PARVB: variants seen among roughly 807,000 people sequenced by gnomAD.
PARVB encodes the protein parvin beta.
In PARVB, 46 loss-of-function variants were observed where a neutral mutation model predicts 47.0. The ratio of observed to expected loss-of-function variants is 0.98; its 90% CI spans 0.77 to 1.25. The LOEUF (loss-of-function observed/expected upper bound fraction) is 1.25. Among genes scored for constraint, PARVB ranks in the 50% most tolerant of loss-of-function variants. PARVB has a pLI of 0.00. For synonymous variants in PARVB, 196 were observed against 196.3 expected (o/e 1.00, Z 0.01); for missense variants, 473 against 471.6 (o/e 1.00, Z -0.03).
intron 2 of PARVB, among the ~76,000 whole-genome samples, chr22:44,007,535 C>T (rs1292784068): frequency 3.3e-5 from 5 of 152,196 alleles, no homozygotes; most frequent in African/African-American, 1.2e-4. Context: ...AAGTCTCCAT[C>T]TCCTTCCTTC....
intron 7 of PARVB, among the ~76,000 whole-genome samples, chr22:44,137,659 A>G (rs990995895): frequency 2.0e-5 from 3 of 152,098 alleles, no homozygotes; most frequent in African/African-American, 7.2e-5. Flanking sequence ...TGAAGGCTGG[A>G]TGGAGGCTGG....
intron 4 of PARVB, among the ~76,000 whole-genome samples, chr22:44,128,880 C>T (rs1207815686): frequency 6.6e-6 from 1 of 152,194 alleles, no homozygotes; most frequent in Non-Finnish European, 1.5e-5. Flanking sequence ...GAATTCGAGA[C>T]CAGCCTGATC....
chr22:44,147,444 A>G, intron 8 of PARVB: 1 of 355,926 alleles, frequency 2.8e-6, no homozygotes, highest in Non-Finnish European at 5.6e-6. Context: ...TGAGCAGGAC[A>G]TGGCCACCGT....
Position 44,148,274 on chromosome 22 carries a change from C to A in PARVB, c.774+352C>A, listed in dbSNP as rs190053569. The A allele has an allele frequency of 1.3e-3, 449 of 358,072 alleles. 3 individuals carry two copies. The highest frequency in any genetic ancestry group is 8.8e-3 in the African/African-American group (414 of 47,290). 22.2% of individuals were successfully genotyped at this position (358,072 alleles called of 1,614,324 possible). On this transcript the variant is annotated intron_variant, in intron 9 of 12. Transcript: ENST00000338758. ...GCCTCATTTACCATCTACAGCCTGC[C>A]CAGTAAACACGCAGGCCTGTGCGGC... is the stretch of plus-strand genomic sequence containing the variant.
chr22:44,098,618 G>A (rs983693755), intron 2 of PARVB, among the ~76,000 whole-genome samples: 7 of 152,106 alleles, frequency 4.6e-5, no homozygotes, highest in Non-Finnish European at 7.4e-5. Context: ...AGGCTGCGGA[G>A]GCCTTTGCAG....
chr22:44,059,073 T>C (rs1041237435), intron 1 of PARVB, among the ~76,000 whole-genome samples: 13 of 137,476 alleles, frequency 9.5e-5, no homozygotes, highest in Non-Finnish European at 1.7e-4. Context: ...TGAGAGGGAG[T>C]CTTGCTGTGT....
intron 1 of PARVB, among the ~76,000 whole-genome samples, chr22:44,069,720 G>A (rs1015884705): frequency 6.6e-6 from 1 of 151,632 alleles, no homozygotes; most frequent in Non-Finnish European, 1.5e-5. Context: ...GTAGAGACGG[G>A]GTTTCATCAT....
At chr22:44,140,262 C>T (rs2053525485) in intron 8 of PARVB, 119 bp downstream of exon 8, 2 of 1,001,450 alleles carry the variant, frequency 2.0e-6, no homozygotes, top group Non-Finnish European at 3.2e-6. Flanking sequence ...CTCACTGCCC[C>T]CATAGTTCTG....
intron 7 of PARVB, among the ~76,000 whole-genome samples, chr22:44,138,614 T>C (rs568405882): frequency 6.6e-6 from 1 of 152,306 alleles, no homozygotes; most frequent in Non-Finnish European, 1.5e-5. Context: ...CACATTCAGT[T>C]TCCTAAGGCA....
exon 2 of PARVB, chr22:43,999,548 T>C: frequency 8.2e-6 from 13 of 1,592,210 alleles, no homozygotes; most frequent in Non-Finnish European, 1.0e-5. Context: ...AGGCTGGAGC[T>C]GAGACGTGGG....
At position 44,155,662 on chromosome 22, in the gene PARVB, A is replaced by G. The variant is rs2053916233; in HGVS notation, c.844-2320A>G. Among the ~76,000 whole-genome samples, 1 of 152,100 alleles carries G rather than the reference A, an allele frequency of 6.6e-6. No homozygotes were observed. Among genetic ancestry groups the G allele is most frequent in the South Asian group, 2.1e-4 (1 of 4,830 alleles). On this transcript the variant is annotated intron_variant, in intron 10 of 12. Transcript: ENST00000338758. The surrounding 1 kb of genome is among the most constrained non-coding windows in gnomAD (Gnocchi z 4.8). Reference sequence around the variant, plus strand: ...ATGGAGACGTGGGCATGGCAGCTCAATGTTGTTCTGCTGGGAAGGTGCCAG... The same window carrying G: ...ATGGAGACGTGGGCATGGCAGCTCAGTGTTGTTCTGCTGGGAAGGTGCCAG...
intron 2 of PARVB, among the ~76,000 whole-genome samples, chr22:44,005,769 C>G (rs2050458172): frequency 6.6e-6 from 1 of 152,198 alleles, no homozygotes; most frequent in Non-Finnish European, 1.5e-5. Flanking sequence ...GCCACTTCTT[C>G]ATTTACATCG....
chr22:44,055,188 A>G (rs566372842), intron 1 of PARVB, among the ~76,000 whole-genome samples: 1 of 152,100 alleles, frequency 6.6e-6, no homozygotes, highest in Admixed American at 6.5e-5. Flanking sequence ...AAGAAATAAC[A>G]TTACCTGTTC....
At chr22:44,137,416 A>C (rs938181613) in intron 7 of PARVB, among the ~76,000 whole-genome samples, 3 of 152,232 alleles carry the variant, frequency 2.0e-5, no homozygotes, top group Non-Finnish European at 4.4e-5. Context: ...GGCCTTTGGC[A>C]GCAGCTCTGC....
At chr22:44,006,184 A>G (rs2050462638) in intron 2 of PARVB, among the ~76,000 whole-genome samples, 1 of 152,158 alleles carries the variant, frequency 6.6e-6, no homozygotes, top group South Asian at 2.1e-4. Context: ...GGCTCAAGTG[A>G]TGCTCCTGCC....
chr22:44,117,059 C>T (rs2052922752), intron 3 of PARVB, among the ~76,000 whole-genome samples: 1 of 152,044 alleles, frequency 6.6e-6, no homozygotes, highest in Non-Finnish European at 1.5e-5. Flanking sequence ...TTCCTTCCTG[C>T]CTTCCCTGGA....
chr22:44,104,127 AG>A (rs1229651465), intron 3 of PARVB: 1 of 152,222 alleles, frequency 6.6e-6, no homozygotes, highest in African/African-American at 2.4e-5. Context: ...CTGCAGCGGC[AG>A]CATCCTTGGC....
At chr22:44,146,122 CGCTCACACGT>C (rs1188422707) in intron 8 of PARVB, 11 of 151,668 alleles carry the variant, frequency 7.3e-5, no homozygotes, top group African/African-American at 1.7e-4. Context: ...GGCACACACA[CGCTCACACGT>C]GCTCACACAT....
intron 8 of PARVB, chr22:44,147,056 C>G: frequency 6.3e-6 from 1 of 158,668 alleles, no homozygotes; most frequent in South Asian, 1.9e-4. Context: ...GAACTCCCCC[C>G]TCCATGGCAG....
Sources: gnomAD v4.1 joint callset for allele counts (sites outside exome capture counted in the v4.1 genomes callset) on GRCh38, gnomAD v4.1.1 for gene constraint, Gnocchi (gnomAD v3.1) non-coding constraint, MANE v1.5 for transcripts, NCBI Gene and HGNC (gene_info 2026-07-23, HGNC 2026-07-21) for gene names.